The following HRH1 variants were observed in gnomAD, a reference collection of about 807,000 sequenced individuals.
The protein encoded by HRH1 is histamine receptor H1, also known as histamine H1 receptor.
Under a neutral mutation model 10.3 loss-of-function variants are expected in HRH1, and 6 were observed. The observed-to-expected ratio is 0.58, with a 90% CI of 0.32 to 1.15. HRH1 has a LOEUF of 1.15. Ranked by LOEUF, HRH1 falls within the 50% of genes most tolerant of loss-of-function variation. The pLI is 0.05. For missense variants in HRH1, 514 were observed against 615.3 expected (o/e 0.84, Z 1.74); for synonymous variants, 242 against 236.7 (o/e 1.02, Z -0.21).
intron 1 of HRH1, among the ~76,000 whole-genome samples, chr3:11,166,210 T>C (rs1937026601): frequency 6.6e-6 from 1 of 152,204 alleles, no homozygotes; most frequent in African/African-American, 2.4e-5. Context: ...TTTTGGGGTA[T>C]TTTTTAATTG....
chr3:11,228,715 C>T (rs1028146979), intron 1 of HRH1, among the ~76,000 whole-genome samples: 1 of 151,902 alleles, frequency 6.6e-6, no homozygotes, highest in Admixed American at 6.6e-5. Flanking sequence ...AGTTTGAGAC[C>T]AGCCCGGCCA....
At chr3:11,218,673 T>A (rs1473502236) in intron 1 of HRH1, among the ~76,000 whole-genome samples, 1 of 151,504 alleles carries the variant, frequency 6.6e-6, no homozygotes, top group Non-Finnish European at 1.5e-5. Context: ...CCTCCCAAGT[T>A]CAAGTGATTC....
chr3:11,191,647 C>T (rs1937533122), intron 1 of HRH1, among the ~76,000 whole-genome samples: 1 of 152,206 alleles, frequency 6.6e-6, no homozygotes, highest in African/African-American at 2.4e-5. Context: ...ACCTGGGGGC[C>T]AGCATGGAGA....
intron 1 of HRH1, among the ~76,000 whole-genome samples, chr3:11,159,247 C>CA (rs199859930): frequency 0.011 from 1,645 of 151,838 alleles, 31 homozygotes; most frequent in African/African-American, 0.037. Context: ...GACTCTGTCT[C>CA]AAAAAAACAA....
intron 1 of HRH1, among the ~76,000 whole-genome samples, chr3:11,231,924 C>T (rs1939052467): frequency 6.6e-6 from 1 of 151,316 alleles, no homozygotes; most frequent in African/African-American, 2.4e-5. Context: ...AAGATTTCCT[C>T]TAATGTGTTT....
intron 1 of HRH1, among the ~76,000 whole-genome samples, chr3:11,181,134 TTAGC>T (rs1937344234): frequency 1.3e-5 from 2 of 152,012 alleles, no homozygotes; most frequent in East Asian, 1.9e-4. Flanking sequence ...AGTACAAAAA[TTAGC>T]TAGGCCTAGT....
chr3:11,196,953 CAAAA>C (rs35134148), intron 1 of HRH1, among the ~76,000 whole-genome samples: 212 of 110,454 alleles, frequency 1.9e-3, no homozygotes, highest in Middle Eastern at 0.011. Flanking sequence ...ACTAAAAATA[CAAAA>C]AAAAAAAAAA....
chr3:11,242,071 A>AC (rs1445725331), intron 1 of HRH1, among the ~76,000 whole-genome samples: 3 of 152,066 alleles, frequency 2.0e-5, no homozygotes, highest in African/African-American at 7.2e-5. Context: ...AAAGCTAGTC[A>AC]CCCCAGCCAG....
At chr3:11,162,179 ATACT>A (rs1936939663) in intron 1 of HRH1, among the ~76,000 whole-genome samples, 1 of 152,166 alleles carries the variant, frequency 6.6e-6, no homozygotes, top group Non-Finnish European at 1.5e-5. Flanking sequence ...GGACTGAGTT[ATACT>A]TACTTACCTA....
chr3:11,219,379 T>C (rs1184842960), intron 1 of HRH1, among the ~76,000 whole-genome samples: 3 of 152,076 alleles, frequency 2.0e-5, no homozygotes, highest in Non-Finnish European at 4.4e-5. Flanking sequence ...TGTAAAATGG[T>C]TAAAGTGGTA....
At position 11,259,553 on chromosome 3, in the gene HRH1, C is replaced by T. The variant is rs140401655; in HGVS notation, c.516C>T (p.Thr172=). The T allele has an allele frequency of 1.2e-6, 2 of 1,613,996 alleles. No individual in the cohort carries two copies. Among genetic ancestry groups the T allele is most frequent in the East Asian group, 2.2e-5 (1 of 44,882 alleles). The stretch of plus-strand genomic sequence containing the variant: ...GCTGGAATCACTTCATGCAGCAGAC[C>T]TCGGTGCGCCGAGAGGACAAGTGTG... The part of the protein sequence containing the change: ...ILGWNHFMQQ[T]SVRREDKCET... Residue 172 remains threonine (T), a synonymous_variant, in exon 2 of 2, where the codon ACC becomes ACT. Transcript: ENST00000431010. This position sits in a 1 kb window ranked among gnomAD's most constrained non-coding sequence, Gnocchi z 4.6.
At chr3:11,201,364 C>A (rs1937900615) in intron 1 of HRH1, among the ~76,000 whole-genome samples, 1 of 152,184 alleles carries the variant, frequency 6.6e-6, no homozygotes, top group Non-Finnish European at 1.5e-5. Context: ...AGCATGTGCA[C>A]AAGCTCCAAA....
intron 1 of HRH1, among the ~76,000 whole-genome samples, chr3:11,239,986 A>G (rs1939291639): frequency 6.6e-6 from 1 of 152,308 alleles, no homozygotes; most frequent in Admixed American, 6.5e-5. Context: ...CACAACTCCA[A>G]TTCCAGTGTT....
In HRH1 at chr3:11,209,245, C is replaced by T. The variant is rs557893826; in HGVS notation, c.-35-49758C>T. Among the ~76,000 whole-genome samples the T allele has an allele frequency of 3.5e-4, 54 of 152,256 alleles. 1 individual carries two copies. The South Asian group carries it at 9.3e-3, about 26-fold the overall frequency. On this transcript the variant is annotated intron_variant, in intron 1 of 1. Transcript: ENST00000431010. Reference sequence around the variant, plus strand: ...TAGTGGGGACTACAGGCTTATGCCACGATGCCTGACTAGTTTTTATATTTT... The same window carrying T: ...TAGTGGGGACTACAGGCTTATGCCATGATGCCTGACTAGTTTTTATATTTT...
chr3:11,202,741 G>A (rs972994084), intron 1 of HRH1, among the ~76,000 whole-genome samples: 2 of 152,114 alleles, frequency 1.3e-5, no homozygotes, highest in Non-Finnish European at 2.9e-5. Flanking sequence ...TTGTTACCAC[G>A]GATGAGCCTA....
intron 1 of HRH1, among the ~76,000 whole-genome samples, chr3:11,216,285 AATTGAAAGC>A (rs2125037269): frequency 6.6e-6 from 1 of 152,320 alleles, no homozygotes; most frequent in African/African-American, 2.4e-5. Flanking sequence ...TACCCGAAAG[AATTGAAAGC>A]AGGGTCTTGA....
chr3:11,158,448 GAAATTGGAATAT>G (rs1417964313), intron 1 of HRH1, among the ~76,000 whole-genome samples: 1 of 152,208 alleles, frequency 6.6e-6, no homozygotes, highest in Non-Finnish European at 1.5e-5. Context: ...AGAAGCAGCA[GAAATTGGAATAT>G]AAATCCAGGT....
At chr3:11,161,654 A>G (rs60488081) in intron 1 of HRH1, among the ~76,000 whole-genome samples, 7,337 of 152,320 alleles carry the variant, frequency 0.048, 358 homozygotes, top group African/African-American at 0.12. Flanking sequence ...GGTGCTCACA[A>G]ACCTTTGAAT....
intron 1 of HRH1, among the ~76,000 whole-genome samples, chr3:11,192,864 G>A (rs1486350202): frequency 1.3e-5 from 2 of 152,070 alleles, no homozygotes; most frequent in Admixed American, 1.3e-4. Context: ...ATCCATCAGA[G>A]CTGGGCCTTG....
Sources: gnomAD v4.1 joint callset for allele counts (sites outside exome capture counted in the v4.1 genomes callset) on GRCh38, gnomAD v4.1.1 for gene constraint, Gnocchi (gnomAD v3.1) non-coding constraint, MANE v1.5 for transcripts, NCBI Gene and HGNC (gene_info 2026-07-23, HGNC 2026-07-21) for gene names.